The following KDR variants were observed in gnomAD, a reference collection of about 807,000 sequenced individuals.
KDR encodes kinase insert domain receptor.
Under a neutral mutation model 160.9 loss-of-function variants are expected in KDR, and 43 were observed. The observed-to-expected ratio is 0.27, with a 90% CI of 0.21 to 0.34. The LOEUF is 0.34. Among genes scored for constraint, KDR ranks in the 10% least tolerant of loss-of-function variants. KDR has a pLI of 1.00. For missense variants in KDR, 1,469 were observed against 1,666.4 expected, an observed-to-expected ratio of 0.88 and a Z score of 2.06; for synonymous variants, 617 against 600.1, an observed-to-expected ratio of 1.03 and a Z score of -0.41.
Position 55,109,564 on chromosome 4 carries a change from G to A in KDR, c.1255+839C>T, listed in dbSNP as rs527902711. 2.0e-5 allele frequency among the ~76,000 whole-genome samples: 3 copies of A among 152,268 alleles called. No homozygotes were observed. The South Asian group carries it at 6.2e-4, about 32-fold the overall frequency. ...AGAAGCATTTCTCAAACTGTTTGGAGTGAGAGATTAATGAATTTGCTCAGG... is the reference window on the plus strand; with the variant it reads ...AGAAGCATTTCTCAAACTGTTTGGAATGAGAGATTAATGAATTTGCTCAGG... On this transcript the variant is annotated intron_variant, in intron 9 of 29. Coordinates refer to ENST00000263923, the MANE Select transcript of KDR (RefSeq NM_002253.4).
At position 55,082,542 on chromosome 4, in the gene KDR, G is replaced by A. The variant is rs894977242; in HGVS notation, c.3756C>T (p.Ile1252=). The A allele has an allele frequency of 1.2e-6, 2 of 1,601,634 alleles. No individual in the cohort carries two copies. The highest frequency in any genetic ancestry group is 1.7e-5 in the Admixed American group (1 of 59,988). Residue 1252 remains isoleucine, a synonymous_variant, in exon 28 of 30, where the codon ATC becomes ATT. Coordinates refer to ENST00000263923, the MANE Select transcript of KDR (RefSeq NM_002253.4). The part of the protein sequence containing the change: ...IPLEEPEVKV[I]PDDNQTDSGM... ...TTTTAAAAGACGTACTTACATCTGGGATTACTTTTACTTCTGGTTCTTCTA... is the reference window on the plus strand; with the variant it reads ...TTTTAAAAGACGTACTTACATCTGGAATTACTTTTACTTCTGGTTCTTCTA...
Position 55,104,933 on chromosome 4 carries a change from C to T in KDR, c.1697G>A (p.Ser566Asn), listed in dbSNP as rs756721127. ...QPDMQPTEQESVSLWCTADRS... is the reference protein window; with the variant it reads ...QPDMQPTEQENVSLWCTADRS... ...GTCTGCAGTGCACCACAAAGACACG[C>T]TCTCCTGCTCAGTGGGCTGCATGTC... is the stretch of plus-strand genomic sequence containing the variant. The change falls in exon 13 of 30, where the codon AGC becomes AAC. Residue 566 changes from serine to asparagine, a missense_variant. By Grantham distance (46) the Ser-to-Asn change is conservative. Around this residue, in one of 7 missense-constraint regions of KDR, gnomAD observed 792 missense variants for 840.9 expected, o/e 0.94. Transcript: ENST00000263923. 55 of 1,613,730 alleles carry T rather than the reference C, an allele frequency of 3.4e-5. No homozygotes were observed. In the South Asian group the frequency reaches 5.7e-4, roughly 17 times the overall value.
chr4:55,110,021 A>C (rs886317888), intron 9 of KDR, among the ~76,000 whole-genome samples: 1 of 152,232 alleles, frequency 6.6e-6, no homozygotes, highest in South Asian at 2.1e-4. Context: ...GAAGCTTTGC[A>C]CAAAATCTAA....
rs777554839 is a variant in KDR, at chr4:55,080,022, T to TTTTTAA, written c.3989_3990insTTAAAA (p.Ile1330_Glu1331insTer). ...TGCTACCGGTTTGCACTCCAATCTCTATCAGCTTTAAAAGTTCTGCTTCCT... is the reference window on the plus strand; with the variant it reads ...TGCTACCGGTTTGCACTCCAATCTCTTTTTAAATCAGCTTTAAAAGTTCTGCTTCCT... On this transcript the variant is annotated stop_gained and inframe_insertion, in exon 30 of 30. Transcript: ENST00000263923. LOFTEE classifies it low-confidence loss of function (END_TRUNC). 1.2e-5 allele frequency: 20 copies of TTTTTAA among 1,614,180 alleles called. No individual in the cohort carries two copies. The South Asian group carries it at 2.2e-4, about 18-fold the overall frequency.
chr4:55,122,480 T>C (rs1045807800), intron 1 of KDR, among the ~76,000 whole-genome samples: 1 of 152,132 alleles, frequency 6.6e-6, no homozygotes, highest in African/African-American at 2.4e-5. Context: ...GGACGAAGTA[T>C]GAGACGGAAT....
intron 18 of KDR, among the ~76,000 whole-genome samples, chr4:55,097,059 A>C (rs1259127814): frequency 6.6e-6 from 1 of 152,218 alleles, no homozygotes; most frequent in Non-Finnish European, 1.5e-5. Flanking sequence ...AGAACATCAC[A>C]ATTGAAGAAA....
At chr4:55,110,216 A>G (rs1047592680) in intron 9 of KDR, among the ~76,000 whole-genome samples, 187 bp downstream of exon 9, 8 of 152,194 alleles carry the variant, frequency 5.3e-5, no homozygotes, top group African/African-American at 1.9e-4. Flanking sequence ...GGCCTCTTAA[A>G]CAAACATGGC....
At chr4:55,095,058 A>G (rs1720118035) in intron 20 of KDR, 103 bp from the exon 21 acceptor site, 1 of 1,151,130 alleles carries the variant, frequency 8.7e-7, no homozygotes, top group East Asian at 2.5e-5. Context: ...AATTGAAACT[A>G]CTAAAAAGCA....
At chr4:55,108,032 G>A in intron 9 of KDR, 139 bp from the exon 10 acceptor site, 1 of 864,592 alleles carries the variant, frequency 1.2e-6, no homozygotes, top group Non-Finnish European at 1.9e-6. Context: ...ACCTAGATGT[G>A]GAAACAAGAG....
At chr4:55,090,153 CA>C (rs935197994) in intron 22 of KDR, 75 bp from the exon 23 acceptor site, 1,470 of 1,498,406 alleles carry the variant, frequency 9.8e-4, no homozygotes, top group Non-Finnish European at 1.1e-3. Context: ...CCTCATGCAT[CA>C]AAAAAAAATC....
chr4:55,108,980 T>G (rs1156377235), intron 9 of KDR, among the ~76,000 whole-genome samples: 1 of 152,220 alleles, frequency 6.6e-6, no homozygotes, highest in Non-Finnish European at 1.5e-5. Flanking sequence ...GTTTTGTTTT[T>G]ATTTCCTGTT....
At chr4:55,103,083 G>C (rs1000806181) in intron 13 of KDR, among the ~76,000 whole-genome samples, 5 of 152,098 alleles carry the variant, frequency 3.3e-5, no homozygotes, top group Non-Finnish European at 5.9e-5. Flanking sequence ...GTAAACAGTT[G>C]AACTGTTTAC....
rs774769718 is a variant in KDR at position 55,098,738 on chromosome 4, A to G, written c.2332T>C (p.Phe778Leu). The G allele has an allele frequency of 1.2e-6, 2 of 1,613,324 alleles. No homozygotes were observed. The highest frequency in any genetic ancestry group is 2.7e-5 in the African/African-American group (2 of 74,880). The change falls in exon 16 of 30, where the codon TTC becomes CTC. Residue 778 changes from phenylalanine to leucine, a missense_variant. Physicochemically the swap from Phe to Leu is conservative, Grantham distance 22. This residue lies in a region of KDR where 118 missense variants were observed against 110.8 expected (regional missense o/e 1.06). Coordinates refer to ENST00000263923, the MANE Select transcript of KDR (RefSeq NM_002253.4). ...LVGTAVIAMFFWLLLVIILRT... is the reference protein window; with the variant it reads ...LVGTAVIAMFLWLLLVIILRT... ...AGGATGATGACAAGAAGTAGCCAGAAGAACATGGCAATCACCGCCGTGCCT... is the reference window on the plus strand; with the variant it reads ...AGGATGATGACAAGAAGTAGCCAGAGGAACATGGCAATCACCGCCGTGCCT...
chr4:55,109,979 A>G (rs1720536726), intron 9 of KDR, among the ~76,000 whole-genome samples: 1 of 152,230 alleles, frequency 6.6e-6, no homozygotes, highest in Non-Finnish European at 1.5e-5. Context: ...GTGCCTGCAC[A>G]TCTCTGATAC....
At chr4:55,095,788 G>C in intron 19 of KDR, 123 bp from the exon 20 acceptor site, 1 of 732,898 alleles carries the variant, frequency 1.4e-6, no homozygotes, top group Non-Finnish European at 2.5e-6. Context: ...TGGGACAGGA[G>C]TGTAGAAATC....
chr4:55,086,645 G>A (rs1236646105), intron 27 of KDR, among the ~76,000 whole-genome samples: 1 of 152,208 alleles, frequency 6.6e-6, no homozygotes, highest in Non-Finnish European at 1.5e-5. Flanking sequence ...GGAACGGTCA[G>A]CTGTCTTGCT....
At chr4:55,089,277 T>C in intron 25 of KDR, 97 bp downstream of exon 25, 2 of 846,720 alleles carry the variant, frequency 2.4e-6, no homozygotes, top group Non-Finnish European at 3.9e-6. Context: ...GGACACTAAC[T>C]GGGCAATGAA....
At chr4:55,088,486 C>T (rs887872174) in intron 26 of KDR, among the ~76,000 whole-genome samples, 3 of 152,126 alleles carry the variant, frequency 2.0e-5, no homozygotes, top group African/African-American at 7.2e-5. Flanking sequence ...AGACAGAAAC[C>T]ATCTCTTTTG....
At chr4:55,113,534 A>G in intron 6 of KDR, 53 bp from the exon 7 acceptor site, 1 of 1,494,108 alleles carries the variant, frequency 6.7e-7, no homozygotes, top group East Asian at 2.3e-5. Context: ...ACATTACCCA[A>G]TAACTTCTAG....
Sources: allele counts gnomAD v4.1 joint callset (sites outside exome capture counted in the v4.1 genomes callset), GRCh38; gene constraint gnomAD v4.1.1; regional missense constraint gnomAD v4.1.1; transcripts MANE v1.5; gene names NCBI Gene and HGNC (gene_info 2026-07-23, HGNC 2026-07-21).